The following SEMA3A variants were observed in gnomAD, a reference collection of about 807,000 sequenced individuals.
The protein encoded by SEMA3A is semaphorin-3A.
In SEMA3A, 29 loss-of-function variants were observed where a neutral mutation model predicts 97.9. That is an observed-to-expected ratio of 0.30 (90% CI 0.22 to 0.40). The LOEUF is 0.40. SEMA3A is among the 10% of genes least tolerant of loss of function. SEMA3A has a pLI of 1.00. For synonymous variants in SEMA3A, 321 were observed against 323.7 expected, an observed-to-expected ratio of 0.99 and a Z score of 0.09; for missense variants, 763 against 951.3, an observed-to-expected ratio of 0.80 and a Z score of 2.60.
At chr7:84,183,129 C>T (rs1797779636) in intron 1 of SEMA3A, among the ~76,000 whole-genome samples, 1 of 152,120 alleles carries the variant, frequency 6.6e-6, no homozygotes, top group African/African-American at 2.4e-5. Context: ...CACTTTACAC[C>T]TGTATTTACA....
Position 84,135,872 on chromosome 7 carries a change from T to A in SEMA3A, c.113-921A>T, listed in dbSNP as rs1796108247. On this transcript the variant is annotated intron_variant, in intron 1 of 16. Transcript: ENST00000265362. ...AATTAATTTTACCATCTGACTTCAA[T>A]TTTTCATTTGTTTTTGCTCTCCAGT... 2.0e-5 allele frequency among the ~76,000 whole-genome samples: 3 copies of A among 152,200 alleles called. 1 individual carries two copies. Among genetic ancestry groups the A allele is most frequent in the Non-Finnish European group, 4.4e-5 (3 of 68,032 alleles).
At chr7:84,235,623 A>G (rs1429384478) in intron 3 of SEMA3A, among the ~76,000 whole-genome samples, 1 of 152,024 alleles carries the variant, frequency 6.6e-6, no homozygotes, top group Admixed American at 6.6e-5. Flanking sequence ...TTTAATTCTT[A>G]ATTCCTCTTC....
intron 1 of SEMA3A, among the ~76,000 whole-genome samples, chr7:84,377,927 T>G (rs1803150028): frequency 6.6e-6 from 1 of 152,160 alleles, no homozygotes; most frequent in Admixed American, 6.5e-5. Flanking sequence ...TCAAAATCTA[T>G]TTACCTGAAT....
intron 3 of SEMA3A, among the ~76,000 whole-genome samples, chr7:84,265,582 T>C (rs1015871446): frequency 2.7e-5 from 4 of 149,302 alleles, no homozygotes; most frequent in Admixed American, 6.7e-5. Context: ...AAGACATATA[T>C]ATATTTGAGA....
At chr7:84,254,238 T>C (rs1451148716) in intron 3 of SEMA3A, among the ~76,000 whole-genome samples, 2 of 152,094 alleles carry the variant, frequency 1.3e-5, no homozygotes. Context: ...TTGAATCAAG[T>C]GGAGATGAGG....
intron 2 of SEMA3A, among the ~76,000 whole-genome samples, chr7:84,131,373 A>T (rs1795956728): frequency 6.6e-6 from 1 of 152,072 alleles, no homozygotes; most frequent in South Asian, 2.1e-4. Context: ...TAAATTTCTT[A>T]TTCTCATTTT....
chr7:84,214,697 CTTTT>C (rs754365106), intron 3 of SEMA3A, among the ~76,000 whole-genome samples: 2 of 130,982 alleles, frequency 1.5e-5, no homozygotes, highest in African/African-American at 2.8e-5. Flanking sequence ...TTAGAGCTTA[CTTTT>C]TTTTTTTTTT....
At chr7:84,487,189 G>A (rs1448043555) in intron 1 of SEMA3A, among the ~76,000 whole-genome samples, 2 of 152,070 alleles carry the variant, frequency 1.3e-5, no homozygotes, top group Non-Finnish European at 2.9e-5. Context: ...GGCTAGAAAT[G>A]AAAAAATATT....
At chr7:84,075,805 C>T (rs73189358) in intron 4 of SEMA3A, among the ~76,000 whole-genome samples, 9,019 of 152,120 alleles carry the variant, frequency 0.059, 335 homozygotes, top group East Asian at 0.19. Context: ...TCTATTGTAG[C>T]AGAAATCTTA....
rs1562774518 is a variant in SEMA3A, at chr7:84,091,208, G to GAAAGAAAT, written c.453+19261_453+19262insATTTCTTT. Among the ~76,000 whole-genome samples, 9 of 69,314 alleles carry GAAAGAAAT rather than the reference G, an allele frequency of 1.3e-4. No individual in the cohort carries two copies. The South Asian group carries it at 3.6e-3, about 28-fold the overall frequency. The allele number at this position is 69,314 out of a possible 152,430, so 45.5% of individuals were successfully genotyped here. The stretch of plus-strand genomic sequence containing the variant: ...AGAAAGAAAGAAAGAAAGAAAGAAA[G>GAAAGAAAT]AAAGAAAAGAAAAGAAAGAAAAGAA... On this transcript the variant is annotated intron_variant, in intron 4 of 16. Coordinates refer to ENST00000265362, the MANE Select transcript of SEMA3A (RefSeq NM_006080.3).
At chr7:84,432,262 G>T (rs1804999684) in intron 1 of SEMA3A, among the ~76,000 whole-genome samples, 1 of 152,092 alleles carries the variant, frequency 6.6e-6, no homozygotes, top group African/African-American at 2.4e-5. Context: ...ATCAACATAT[G>T]TAGATAAATA....
At chr7:84,338,194 G>T (rs1802083346) in intron 2 of SEMA3A, among the ~76,000 whole-genome samples, 2 of 150,820 alleles carry the variant, frequency 1.3e-5, no homozygotes, top group Non-Finnish European at 3.0e-5. Context: ...TAAAATAGTG[G>T]AAAATGTTCC....
intron 12 of SEMA3A, among the ~76,000 whole-genome samples, chr7:83,994,884 C>G (rs944501947): frequency 2.6e-5 from 4 of 152,126 alleles, no homozygotes; most frequent in African/African-American, 9.7e-5. Context: ...CCTAATCAAG[C>G]CTGGGCAATG....
intron 1 of SEMA3A, among the ~76,000 whole-genome samples, chr7:84,436,075 T>C (rs977345056): frequency 5.3e-5 from 8 of 152,102 alleles, no homozygotes; most frequent in African/African-American, 1.9e-4. Flanking sequence ...AAATAAGCAA[T>C]GGGGAAAGAA....
chr7:84,009,458 T>G (rs1688633870), intron 9 of SEMA3A, among the ~76,000 whole-genome samples: 1 of 152,228 alleles, frequency 6.6e-6, no homozygotes, highest in Non-Finnish European at 1.5e-5. Flanking sequence ...TTGTAATGGC[T>G]TTAATAGTTA....
intron 4 of SEMA3A, among the ~76,000 whole-genome samples, chr7:84,102,588 C>CCTTT (rs1198931639): frequency 1.0e-5 from 1 of 96,846 alleles, no homozygotes; most frequent in Non-Finnish European, 1.9e-5. Context: ...TGCATTATCG[C>CCTTT]TTTTTTTTTT....
chr7:84,331,207 CA>C (rs1286268591), intron 2 of SEMA3A, among the ~76,000 whole-genome samples: 1 of 151,806 alleles, frequency 6.6e-6, no homozygotes, highest in Non-Finnish European at 1.5e-5. Context: ...TTTAGGGTAT[CA>C]AAAAAACAGA....
rs188735432 is a variant in SEMA3A, at chr7:84,038,979, A to G, written c.667+7345T>C. Among the ~76,000 whole-genome samples the G allele has an allele frequency of 4.1e-3, 621 of 152,228 alleles. 7 individuals are homozygous for G. The highest frequency in any genetic ancestry group is 0.015 in the African/African-American group (606 of 41,564). Reference sequence around the variant, plus strand: ...CCTGATGTACTAATTTCCCCACATAATGATAGTAGCTATCAATTAAAACAT... The same window carrying G: ...CCTGATGTACTAATTTCCCCACATAGTGATAGTAGCTATCAATTAAAACAT... On this transcript the variant is annotated intron_variant, in intron 6 of 16. Transcript: ENST00000265362.
intron 12 of SEMA3A, among the ~76,000 whole-genome samples, chr7:83,989,587 G>A (rs565876938): frequency 1.4e-4 from 18 of 132,178 alleles, no homozygotes; most frequent in Admixed American, 3.9e-4. Context: ...TTGTTCTTGC[G>A]ATAGTTTACT....
Sources: allele counts gnomAD v4.1 joint callset (sites outside exome capture counted in the v4.1 genomes callset), GRCh38; gene constraint gnomAD v4.1.1; transcripts MANE v1.5; gene names NCBI Gene and HGNC (gene_info 2026-07-23, HGNC 2026-07-21).